Variants in INTS15 observed in about 807,000 individuals in gnomAD.
INTS15 encodes the protein integrator complex subunit 15.
chr7:6,591,491 C>G, the INTS15 span, among the ~76,000 whole-genome samples: 1 of 152,034 alleles, frequency 6.6e-6, no homozygotes, highest in African/African-American at 2.4e-5. Context: ...GTCTCGAACT[C>G]TTGACCTCGT....
At chr7:6,607,447 G>T in the INTS15 span, 1 of 960,308 alleles carries the variant, frequency 1.0e-6, no homozygotes. This position sits in a 1 kb window ranked among gnomAD's most constrained non-coding sequence, Gnocchi z 6.0. Flanking sequence ...GGCGGGGTGG[G>T]AGGTGGGTGG....
the INTS15 span, among the ~76,000 whole-genome samples, chr7:6,604,989 G>GT: frequency 4.5e-4 from 68 of 151,420 alleles, no homozygotes; most frequent in African/African-American, 1.0e-3. Context: ...TTTTCTCTTT[G>GT]TTTTTTTTGT....
At chr7:6,590,056 C>T in the INTS15 span, 2 of 267,926 alleles carry the variant, frequency 7.5e-6, no homozygotes, top group African/African-American at 2.3e-5. Flanking sequence ...CGGCAGCTCC[C>T]GGCGGCTCCT....
At chr7:6,605,284 T>C in the INTS15 span, among the ~76,000 whole-genome samples, 1 of 152,264 alleles carries the variant, frequency 6.6e-6, no homozygotes, top group Non-Finnish European at 1.5e-5. Flanking sequence ...CCACTGTACC[T>C]GGCCTCTTTT....
chr7:6,590,557 G>A, the INTS15 span: 1 of 1,407,138 alleles, frequency 7.1e-7, no homozygotes, highest in Non-Finnish European at 9.2e-7. Context: ...GCTGTGTCAA[G>A]CCGCGGGCGC....
At chr7:6,599,032 C>A in the INTS15 span, among the ~76,000 whole-genome samples, 1 of 152,148 alleles carries the variant, frequency 6.6e-6, no homozygotes, top group African/African-American at 2.4e-5. Context: ...AAGTGATCCT[C>A]CCACCTTGGC....
At chr7:6,608,080 CGCCGCCCA>C in the INTS15 span, 3 of 1,566,282 alleles carry the variant, frequency 1.9e-6, no homozygotes, top group Non-Finnish European at 2.6e-6. Context: ...CGGCCCACCC[CGCCGCCCA>C]CCCCGCCCTG....
chr7:6,591,755 C>T, the INTS15 span: 2 of 1,614,032 alleles, frequency 1.2e-6, no homozygotes, highest in Admixed American at 1.7e-5. Context: ...CTTTTCAGCC[C>T]TCAAGGGAAC....
chr7:6,608,043 C>T, the INTS15 span: 20 of 1,599,400 alleles, frequency 1.3e-5, no homozygotes, highest in Middle Eastern at 2.3e-4. Flanking sequence ...CACATCCACA[C>T]GCCCCCGCTG....
the INTS15 span, chr7:6,600,352 G>A: frequency 9.3e-6 from 15 of 1,609,180 alleles, 1 homozygote; most frequent in South Asian, 7.7e-5. Context: ...TGCTGTGCAC[G>A]AGAGGTGGGT....
At chr7:6,597,409 T>C in the INTS15 span, among the ~76,000 whole-genome samples, 1 of 152,196 alleles carries the variant, frequency 6.6e-6, no homozygotes, top group Non-Finnish European at 1.5e-5. Context: ...AGTCTCCTGC[T>C]TCAGCCTCCT....
the INTS15 span, among the ~76,000 whole-genome samples, chr7:6,598,735 TTGTGTGTGTGTG>T: frequency 6.3e-4 from 53 of 83,624 alleles, 1 homozygote; most frequent in East Asian, 2.1e-3. Context: ...GCTGTATGCT[TTGTGTGTGTGTG>T]TGTGTGTGTG....
At chr7:6,593,834 A>G in the INTS15 span, among the ~76,000 whole-genome samples, 13 of 150,384 alleles carry the variant, frequency 8.6e-5, no homozygotes, top group African/African-American at 2.9e-4. Context: ...TATTTTTTAT[A>G]GAGATGGGTT....
the INTS15 span, chr7:6,591,605 C>T: frequency 4.2e-5 from 66 of 1,560,844 alleles, no homozygotes; most frequent in Non-Finnish European, 5.7e-5. Context: ...AAGTACGTTA[C>T]AGCCACATTT....
chr7:6,608,185 G>A, the INTS15 span: 3 of 1,542,900 alleles, frequency 1.9e-6, no homozygotes, highest in Non-Finnish European at 2.6e-6. Context: ...TGCCTTCTGC[G>A]CTCTCGCTGG....
the INTS15 span, chr7:6,591,849 T>C: frequency 6.2e-7 from 1 of 1,613,976 alleles, no homozygotes. Context: ...TGTTGGAGTG[T>C]GCTGCCTCCT....
chr7:6,598,538 G>T, the INTS15 span, among the ~76,000 whole-genome samples: 10 of 151,234 alleles, frequency 6.6e-5, 1 homozygote, highest in South Asian at 4.2e-4. Context: ...CACTGCAGTA[G>T]GTGGGCAGGG....
At chr7:6,594,695 C>T in the INTS15 span, 171 of 1,188,094 alleles carry the variant, frequency 1.4e-4, no homozygotes, top group African/African-American at 2.4e-3. Context: ...CCAGTGAATG[C>T]TTTGGCTGTT....
At chr7:6,598,686 C>T in the INTS15 span, among the ~76,000 whole-genome samples, 1 of 148,216 alleles carries the variant, frequency 6.7e-6, no homozygotes, top group East Asian at 2.0e-4. Flanking sequence ...CACAGTATAG[C>T]CTCCTGATTA....
Sources: gnomAD v4.1 joint callset for allele counts (sites outside exome capture counted in the v4.1 genomes callset) on GRCh38, gnomAD v4.1.1 for gene constraint, Gnocchi (gnomAD v3.1) non-coding constraint, MANE v1.5 for transcripts, NCBI Gene and HGNC (gene_info 2026-07-23, HGNC 2026-07-21) for gene names.